Variants in CEP192 observed in about 807,000 individuals in gnomAD.
CEP192 encodes centrosomal protein of 192 kDa.
In CEP192, 151 loss-of-function variants were observed where a neutral mutation model predicts 271.8. The observed-to-expected ratio is 0.56, with a 90% CI of 0.49 to 0.64. The LOEUF (loss-of-function observed/expected upper bound fraction) is 0.64. Ranked by LOEUF, CEP192 falls within the 30% of genes least tolerant of loss-of-function variation. The pLI is 0.00. For missense variants in CEP192, 2,910 were observed against 3,020.5 expected, an observed-to-expected ratio of 0.96 and a Z score of 0.86; for synonymous variants, 995 against 1,076.5, an observed-to-expected ratio of 0.92 and a Z score of 1.48.
chr18:13,097,575 AC>A (rs1271362237), intron 36 of CEP192, among the ~76,000 whole-genome samples: 1 of 135,972 alleles, frequency 7.4e-6, no homozygotes, highest in Non-Finnish European at 1.6e-5. Flanking sequence ...AGAAGTTTTT[AC>A]CGTGAGTTGC....
intron 5 of CEP192, 99 bp from the exon 6 acceptor site, chr18:13,015,229 G>A: frequency 9.3e-7 from 1 of 1,075,966 alleles, no homozygotes; most frequent in South Asian, 1.7e-5. Context: ...ACTGAACACA[G>A]TGGAGGTTGA....
chr18:13,046,718 T>G (rs1397196708), intron 15 of CEP192, among the ~76,000 whole-genome samples: 1 of 152,006 alleles, frequency 6.6e-6, no homozygotes, highest in Non-Finnish European at 1.5e-5. Context: ...CTTTTCTTGT[T>G]TTATGTTTTA....
chr18:13,054,640 A>G (rs1249392939), intron 18 of CEP192, among the ~76,000 whole-genome samples: 2 of 152,216 alleles, frequency 1.3e-5, no homozygotes, highest in African/African-American at 4.8e-5. Context: ...GTAAGGAGGA[A>G]TAGTATGTGA....
At chr18:13,018,647 A>G in intron 8 of CEP192, 32 bp downstream of exon 8, 1 of 1,408,540 alleles carries the variant, frequency 7.1e-7, no homozygotes, top group African/African-American at 1.5e-5. Context: ...TTTTGTTCTT[A>G]AGTTCTAGTT....
intron 44 of CEP192, among the ~76,000 whole-genome samples, chr18:13,123,708 C>A (rs2040778232): frequency 1.3e-5 from 2 of 152,162 alleles, no homozygotes; most frequent in African/African-American, 4.8e-5. Flanking sequence ...CTGTGAATAA[C>A]TTGTTAAATT....
At position 13,059,085 on chromosome 18, in the gene CEP192, G is replaced by T. The variant is rs2037270306; in HGVS notation, c.4261G>T (p.Asp1421Tyr). 1 of 1,608,008 alleles carries T rather than the reference G, an allele frequency of 6.2e-7. No individual in the cohort carries two copies. Among genetic ancestry groups the T allele is most frequent in the Non-Finnish European group, 8.5e-7 (1 of 1,174,850 alleles). Residue 1421 changes from aspartate (D) to tyrosine (Y), a missense_variant, in exon 21 of 45, where the codon GAT becomes TAT. Transcript: ENST00000506447. ...LSISVNGEKV[D>Y]LSTYRCLVFK... ...ACTTTATGGCTCTTTTTTGAAGGTG[G>T]ATCTTTCAACATATCGTTGTTTAGT...
intron 21 of CEP192, among the ~76,000 whole-genome samples, chr18:13,066,293 C>T (rs1423240696): frequency 6.6e-6 from 1 of 152,074 alleles, no homozygotes; most frequent in Non-Finnish European, 1.5e-5. Context: ...CTTGCTTTTC[C>T]CTTTGTTACG....
chr18:13,080,565 C>T (rs1215262279), intron 30 of CEP192, among the ~76,000 whole-genome samples: 7 of 152,168 alleles, frequency 4.6e-5, no homozygotes, highest in Non-Finnish European at 7.3e-5. Context: ...TCTAGATATA[C>T]AATCATGTCA....
At chr18:13,116,331 A>C in intron 42 of CEP192, 46 bp from the exon 43 acceptor site, 1 of 1,581,884 alleles carries the variant, frequency 6.3e-7, no homozygotes, top group Middle Eastern at 1.7e-4. Context: ...AGTTTAAGTT[A>C]CTGTGGATTT....
intron 15 of CEP192, among the ~76,000 whole-genome samples, chr18:13,042,940 GA>G (rs1268628659): frequency 3.3e-5 from 5 of 152,208 alleles, no homozygotes; most frequent in African/African-American, 1.2e-4. Flanking sequence ...ACGTTCATAT[GA>G]GGTGTGTATG....
At chr18:13,075,797 T>C (rs2038241096) in intron 30 of CEP192, among the ~76,000 whole-genome samples, 1 of 152,192 alleles carries the variant, frequency 6.6e-6, no homozygotes, top group Non-Finnish European at 1.5e-5. Flanking sequence ...AAACTGAGGC[T>C]GAGAGAGATA....
chr18:13,113,718 C>G lies in CEP192; in HGVS notation c.7167+13C>G. Reference sequence around the variant, plus strand: ...ACTCTCTGGACAAGTGAGTAGTACACTGAATTTAAGTAAATTATTGTATGT... The same window carrying G: ...ACTCTCTGGACAAGTGAGTAGTACAGTGAATTTAAGTAAATTATTGTATGT... On this transcript the variant is annotated intron_variant, in intron 41 of 44. Coordinates refer to ENST00000506447, the MANE Select transcript of CEP192 (RefSeq NM_032142.4). 1.3e-6 allele frequency: 2 copies of G among 1,584,468 alleles called. No individual in the cohort carries two copies. Among genetic ancestry groups the G allele is most frequent in the East Asian group, 2.3e-5 (1 of 44,186 alleles).
Position 13,015,430 on chromosome 18 carries a change from A to G in CEP192, c.622A>G (p.Ser208Gly), listed in dbSNP as rs2034587329. The G allele has an allele frequency of 6.4e-7, 1 of 1,551,340 alleles. No individual in the cohort carries two copies. The highest frequency in any genetic ancestry group is 8.7e-7 in the Non-Finnish European group (1 of 1,146,770). ...LENEKLILPT[S>G]LEDSSDDDID... Reference sequence around the variant, plus strand: ...AAATGAGAAACTTATCTTACCGACAAGCTTGGAAGATTCTTCTGGTACTGC... The same window carrying G: ...AAATGAGAAACTTATCTTACCGACAGGCTTGGAAGATTCTTCTGGTACTGC... The change falls in exon 6 of 45, where the codon AGC (serine) becomes GGC (glycine). Residue 208 changes from serine (S) to glycine (G), a missense_variant. Coordinates refer to ENST00000506447, the MANE Select transcript of CEP192 (RefSeq NM_032142.4).
In CEP192 at chr18:13,049,519, G is replaced by C; in HGVS notation, c.2728G>C (p.Val910Leu). 1 of 1,614,076 alleles carries C rather than the reference G, an allele frequency of 6.2e-7. No individual in the cohort carries two copies. The highest frequency in any genetic ancestry group is 8.5e-7 in the Non-Finnish European group (1 of 1,180,006). Residue 910 changes from valine to leucine, a missense_variant, in exon 16 of 45, where the codon GTG (valine) becomes CTG (leucine). Val to Leu is a conservative substitution (Grantham distance 32). Coordinates refer to ENST00000506447, the MANE Select transcript of CEP192 (RefSeq NM_032142.4). ...CACTCCATCTGATAGTTATTCATCA[G>C]TGAGGAACCCCAGAATAACATCCCT... ...ISTPSDSYSS[V>L]RNPRITSLCL... is the part of the protein sequence containing the mutation.
intron 33 of CEP192, among the ~76,000 whole-genome samples, chr18:13,091,368 C>T (rs1568402963): frequency 6.6e-6 from 1 of 152,138 alleles, no homozygotes; most frequent in Non-Finnish European, 1.5e-5. Flanking sequence ...ACCAGAATTT[C>T]ACCTCAAGGA....
At chr18:13,109,743 T>G (rs2040123708) in intron 40 of CEP192, among the ~76,000 whole-genome samples, 1 of 149,412 alleles carries the variant, frequency 6.7e-6, no homozygotes, top group South Asian at 2.2e-4. Flanking sequence ...TGAGAGAAGA[T>G]TAACATCTCC....
intron 44 of CEP192, among the ~76,000 whole-genome samples, chr18:13,118,315 G>A (rs538863096): frequency 6.6e-6 from 1 of 152,272 alleles, no homozygotes; most frequent in African/African-American, 2.4e-5. Context: ...AGCATTAGGA[G>A]ACTATTCCAG....
intron 32 of CEP192, among the ~76,000 whole-genome samples, chr18:13,087,923 C>G (rs2038971018): frequency 6.6e-6 from 1 of 152,236 alleles, no homozygotes; most frequent in Non-Finnish European, 1.5e-5. Context: ...CATCATACTT[C>G]ATAATAGGAC....
At chr18:13,110,128 G>T (rs1568433611) in intron 40 of CEP192, among the ~76,000 whole-genome samples, 2 of 152,126 alleles carry the variant, frequency 1.3e-5, no homozygotes, top group Non-Finnish European at 2.9e-5. Flanking sequence ...CTAAGATTTA[G>T]TGCACAGTTG....
Sources: allele counts gnomAD v4.1 joint callset (sites outside exome capture counted in the v4.1 genomes callset), GRCh38; gene constraint gnomAD v4.1.1; transcripts MANE v1.5; gene names NCBI Gene and HGNC (gene_info 2026-07-23, HGNC 2026-07-21).